Variants in HECW2 observed in about 807,000 individuals in gnomAD.
HECW2 encodes E3 ubiquitin-protein ligase HECW2.
Under a neutral mutation model 175.2 loss-of-function variants are expected in HECW2, and 61 were observed. The observed-to-expected ratio is 0.35, with a 90% CI of 0.28 to 0.43. The LOEUF is 0.43. Among genes scored for constraint, HECW2 ranks in the 20% least tolerant of loss-of-function variants. The probability of loss-of-function intolerance (pLI) is 1.00; values close to 1 mark genes in which losing one functional copy is unlikely to be tolerated. For missense variants in HECW2, 1,524 were observed against 2,000.5 expected, an observed-to-expected ratio of 0.76 and a Z score of 4.54; for synonymous variants, 671 against 731.0, an observed-to-expected ratio of 0.92 and a Z score of 1.32.
At chr2:196,220,189 A>G (rs373242052) in intron 25 of HECW2, 36 bp from the exon 26 acceptor site, 4 of 1,338,356 alleles carry the variant, frequency 3.0e-6, no homozygotes, top group African/African-American at 2.9e-5. Flanking sequence ...ATGGCTTAGG[A>G]GCCTGGAGAA....
At chr2:196,241,590 T>C (rs1002830107) in intron 20 of HECW2, among the ~76,000 whole-genome samples, 3 of 152,188 alleles carry the variant, frequency 2.0e-5, no homozygotes, top group Non-Finnish European at 4.4e-5. Flanking sequence ...AACAACATGA[T>C]GATGTTTCAG....
chr2:196,323,865 GA>G (rs1278082814), intron 6 of HECW2, among the ~76,000 whole-genome samples: 1 of 146,426 alleles, frequency 6.8e-6, no homozygotes, highest in African/African-American at 2.5e-5. Context: ...TCTAGGCTTT[GA>G]AATGCATTAG....
chr2:196,571,108 T>A (rs959225149), intron 1 of HECW2, among the ~76,000 whole-genome samples: 1 of 152,230 alleles, frequency 6.6e-6, no homozygotes, highest in Non-Finnish European at 1.5e-5. Flanking sequence ...AGAACTACAA[T>A]ACTTCTTACC....
At chr2:196,483,171 T>G (rs1284002683) in intron 1 of HECW2, among the ~76,000 whole-genome samples, 1 of 146,998 alleles carries the variant, frequency 6.8e-6, no homozygotes. Flanking sequence ...ACTGACAACA[T>G]AGACAACTTG....
chr2:196,466,930 CT>C (rs1463877592), intron 1 of HECW2, among the ~76,000 whole-genome samples: 1 of 152,146 alleles, frequency 6.6e-6, no homozygotes, highest in Non-Finnish European at 1.5e-5. Flanking sequence ...TGATCTTTAA[CT>C]TCTTTTCTGA....
At chr2:196,281,705 G>GA (rs925028851) in intron 14 of HECW2, among the ~76,000 whole-genome samples, 12 of 149,852 alleles carry the variant, frequency 8.0e-5, no homozygotes, top group Non-Finnish European at 1.6e-4. Context: ...AGATTTGGGG[G>GA]AAAAAAATGA....
intron 2 of HECW2, among the ~76,000 whole-genome samples, chr2:196,354,979 C>T (rs976768872): frequency 3.3e-5 from 5 of 152,064 alleles, no homozygotes; most frequent in Non-Finnish European, 7.4e-5. Context: ...AGATTTTTTT[C>T]CCCAAACTGA....
At chr2:196,274,714 G>T (rs1043589613) in intron 15 of HECW2, among the ~76,000 whole-genome samples, 3 of 152,144 alleles carry the variant, frequency 2.0e-5, no homozygotes, top group African/African-American at 4.8e-5. Context: ...CCCACACCAG[G>T]GTGCTAATAG....
At chr2:196,454,057 C>T (rs1296915826) in intron 1 of HECW2, among the ~76,000 whole-genome samples, 4 of 152,266 alleles carry the variant, frequency 2.6e-5, no homozygotes, top group East Asian at 3.9e-4. Context: ...GTTGCCCAGG[C>T]TGGAGTGCAG....
chr2:196,334,857 C>G (rs1337784389), intron 3 of HECW2, among the ~76,000 whole-genome samples: 1 of 152,128 alleles, frequency 6.6e-6, no homozygotes, highest in Non-Finnish European at 1.5e-5. Flanking sequence ...TGTTAGTGAA[C>G]CCTCACAGAA....
intron 2 of HECW2, among the ~76,000 whole-genome samples, chr2:196,363,983 T>C (rs1457961030): frequency 6.6e-6 from 1 of 152,026 alleles, no homozygotes; most frequent in Non-Finnish European, 1.5e-5. Flanking sequence ...AGGAATAGAG[T>C]ATCATCTTGA....
In HECW2 at chr2:196,253,942, C is replaced by T; in HGVS notation, c.3507G>A (p.Val1169=). The T allele has an allele frequency of 6.2e-7, 1 of 1,614,030 alleles. No homozygotes were observed. The highest frequency in any genetic ancestry group is 2.2e-5 in the East Asian group (1 of 44,878). The change falls in exon 19 of 29, where the codon GTG becomes GTA. Residue 1169 remains valine, a synonymous_variant. Coordinates refer to ENST00000644978, the MANE Select transcript of HECW2 (RefSeq NM_001348768.2). ...CACCTGGCGAGTTCTGAGGAGATGA[C>T]ACGGGAGAGCCACGTGGGGACTGAC... ...SYCQSPRGSP[V]SSPQNSPGTQ... is the part of the protein sequence containing the mutation.
chr2:196,231,119 C>T (rs1300269378), intron 21 of HECW2, among the ~76,000 whole-genome samples: 3 of 97,714 alleles, frequency 3.1e-5, no homozygotes, highest in African/African-American at 7.6e-5. Flanking sequence ...AAAAAAAAGG[C>T]CTTAACACTA....
chr2:196,231,433 C>T (rs1333141515), intron 21 of HECW2, among the ~76,000 whole-genome samples: 1 of 152,158 alleles, frequency 6.6e-6, no homozygotes, highest in Admixed American at 6.5e-5. Flanking sequence ...AAAAATACTG[C>T]TAATAGAGTA....
intron 28 of HECW2, among the ~76,000 whole-genome samples, chr2:196,214,459 G>A (rs1279396650): frequency 6.6e-6 from 1 of 152,156 alleles, no homozygotes; most frequent in Non-Finnish European, 1.5e-5. Context: ...TTCTTAAAGA[G>A]TTTCTCAGAA....
intron 2 of HECW2, among the ~76,000 whole-genome samples, chr2:196,399,286 A>T (rs1694753733): frequency 6.6e-6 from 1 of 152,170 alleles, no homozygotes; most frequent in Non-Finnish European, 1.5e-5. Context: ...TCAATTGGTA[A>T]TTCTAACATC....
chr2:196,504,516 CCTT>C (rs1687687557), intron 1 of HECW2, among the ~76,000 whole-genome samples: 1 of 152,080 alleles, frequency 6.6e-6, no homozygotes, highest in Non-Finnish European at 1.5e-5. Context: ...AATGAACTCT[CCTT>C]CCTCTCTCTC....
At chr2:196,387,557 T>A (rs984887857) in intron 2 of HECW2, among the ~76,000 whole-genome samples, 1 of 152,186 alleles carries the variant, frequency 6.6e-6, no homozygotes, top group African/African-American at 2.4e-5. Context: ...ATAAATTACC[T>A]AGCCTAAAGT....
At chr2:196,283,179 G>A (rs182512637) in intron 14 of HECW2, among the ~76,000 whole-genome samples, 10 of 148,296 alleles carry the variant, frequency 6.7e-5, no homozygotes, top group East Asian at 6.2e-4. Context: ...GGAGAATGGC[G>A]TGAACCCGGG....
Sources: allele counts gnomAD v4.1 joint callset (sites outside exome capture counted in the v4.1 genomes callset), GRCh38; gene constraint gnomAD v4.1.1; transcripts MANE v1.5; gene names NCBI Gene and HGNC (gene_info 2026-07-23, HGNC 2026-07-21).